Variants in NLRP2 observed in about 807,000 individuals in gnomAD.
NLRP2 encodes NACHT, LRR and PYD domains-containing protein 2.
Under a neutral mutation model 97.2 loss-of-function variants are expected in NLRP2, and 107 were observed. The ratio of observed to expected loss-of-function variants is 1.10; its 90% confidence interval spans 0.94 to 1.29. The LOEUF is 1.29. Among genes scored for constraint, NLRP2 ranks in the 50% most tolerant of loss-of-function variants. The probability of loss-of-function intolerance (pLI) is 0.00; values close to 1 mark genes in which losing one functional copy is unlikely to be tolerated. For missense variants in NLRP2, 1,495 were observed against 1,330.3 expected, an observed-to-expected ratio of 1.12 and a Z score of -1.93; for synonymous variants, 663 against 551.5, an observed-to-expected ratio of 1.20 and a Z score of -2.83.
chr19:54,990,239 C>A, intron 9 of NLRP2, 47 bp downstream of exon 9: 2 of 1,584,660 alleles, frequency 1.3e-6, no homozygotes, highest in Non-Finnish European at 1.7e-6. Context: ...CGATCTGGGG[C>A]CACAGACGAG....
intron 11 of NLRP2, among the ~76,000 whole-genome samples, chr19:54,996,538 C>G (rs1410177093): frequency 6.6e-6 from 1 of 152,142 alleles, no homozygotes; most frequent in Admixed American, 6.5e-5. Context: ...TTTAACCTCT[C>G]TGCTCAAAAG....
At chr19:54,998,961 A>T (rs2073021379) in intron 12 of NLRP2, among the ~76,000 whole-genome samples, 1 of 151,690 alleles carries the variant, frequency 6.6e-6, no homozygotes, top group Non-Finnish European at 1.5e-5. Context: ...AAGGTCACAG[A>T]TCAACAGGAT....
At chr19:54,985,347 C>T in intron 7 of NLRP2, 130 bp downstream of exon 7, 1 of 861,168 alleles carries the variant, frequency 1.2e-6, no homozygotes, top group East Asian at 2.6e-5. Flanking sequence ...TGAGAGAGTC[C>T]TGTCCTTAAA....
chr19:54,987,063 T>C (rs1020426331), intron 8 of NLRP2, among the ~76,000 whole-genome samples: 1 of 150,036 alleles, frequency 6.7e-6, no homozygotes, highest in African/African-American at 2.5e-5. Flanking sequence ...TTTTGTATTA[T>C]TAGTAGAGAT....
rs761350102 is a variant in NLRP2 at position 54,986,130 on chromosome 19, C to T, written c.2202-21C>T. On this transcript the variant is annotated intron_variant, in intron 7 of 12. Coordinates refer to ENST00000448584, the MANE Select transcript of NLRP2 (RefSeq NM_017852.5). ...ACAGGTGTACACACTAAAGATTTCA[C>T]TTTCGTTCTCTTTTCCCTAGGTTCA... 8.2e-6 allele frequency: 13 copies of T among 1,586,738 alleles called. No homozygotes were observed. The East Asian group carries it at 2.9e-4, about 35-fold the overall frequency.
intron 11 of NLRP2, among the ~76,000 whole-genome samples, chr19:54,996,037 CAAAAAA>C (rs544759995): frequency 9.5e-5 from 7 of 73,338 alleles, no homozygotes; most frequent in Non-Finnish European, 1.5e-4. Flanking sequence ...GATCCTGTCT[CAAAAAA>C]AAAAAAAAAA....
chr19:54,987,766 G>A (rs1400530813), intron 8 of NLRP2, among the ~76,000 whole-genome samples: 2 of 150,868 alleles, frequency 1.3e-5, no homozygotes, highest in Non-Finnish European at 2.9e-5. Flanking sequence ...ATCTTGGCTG[G>A]GTGCGGTAGC....
chr19:54,994,087 G>A (rs780899643), intron 10 of NLRP2, 182 bp from the exon 11 acceptor site: 3 of 699,104 alleles, frequency 4.3e-6, no homozygotes, highest in Non-Finnish European at 7.7e-6. Flanking sequence ...GGTGCCAGGA[G>A]TTGGGACTTG....
chr19:54,978,061 T>G (rs562712250), intron 4 of NLRP2, among the ~76,000 whole-genome samples: 2 of 151,850 alleles, frequency 1.3e-5, no homozygotes, highest in South Asian at 4.2e-4. Context: ...GCAGAGAGTT[T>G]TTGTTTTTGT....
chr19:54,975,106 G>GTTTTGTTTTTTT (rs2071120773), intron 3 of NLRP2, among the ~76,000 whole-genome samples: 7 of 58,708 alleles, frequency 1.2e-4, no homozygotes, highest in Non-Finnish European at 1.4e-4. Flanking sequence ...ACCCGGTTTT[G>GTTTTGTTTTTTT]TTTTTTTTTT....
intron 7 of NLRP2, 82 bp downstream of exon 7, chr19:54,985,299 C>G: frequency 3.8e-6 from 5 of 1,321,452 alleles, no homozygotes; most frequent in Non-Finnish European, 5.4e-6. Context: ...TATTCAGATT[C>G]CTGTACTAGA....
chr19:54,976,117 C>T (rs147337958), intron 3 of NLRP2, among the ~76,000 whole-genome samples: 1 of 152,004 alleles, frequency 6.6e-6, no homozygotes, highest in African/African-American at 2.4e-5. Context: ...GGCATGATCT[C>T]AGCTCACTGC....
chr19:54,989,335 G>A (rs535465593), intron 8 of NLRP2, among the ~76,000 whole-genome samples: 2 of 152,148 alleles, frequency 1.3e-5, no homozygotes, highest in Admixed American at 6.5e-5. Flanking sequence ...AGCCAGGCAA[G>A]ATGGCATTTG....
Position 54,966,438 on chromosome 19 carries a change from C to T in NLRP2, c.-47C>T, listed in dbSNP as rs555338568. The stretch of plus-strand genomic sequence containing the variant: ...CTTTCTCAACCTGCAGCCCTCATCT[C>T]CGCCGGCGAGTAGGGCCAGGTGTTG... On this transcript the variant is annotated 5_prime_UTR_variant, in exon 1 of 13. Transcript: ENST00000448584. 2 of 152,320 alleles carry T rather than the reference C, an allele frequency of 1.3e-5. No individual in the cohort carries two copies. Among genetic ancestry groups the T allele is most frequent in the South Asian group, 2.1e-4 (1 of 4,828 alleles). The allele number at this position is 152,320 out of a possible 1,614,324, so 9.4% of individuals were successfully genotyped here.
chr19:54,985,815 G>A (rs1428365909), intron 7 of NLRP2, among the ~76,000 whole-genome samples: 1 of 152,114 alleles, frequency 6.6e-6, no homozygotes, highest in Non-Finnish European at 1.5e-5. Context: ...GGCCAAGATG[G>A]TGCAAGACCC....
Position 54,990,109 on chromosome 19 carries a change from C to G in NLRP2, c.2454C>G (p.Leu818=), listed in dbSNP as rs773016099. ...EVNQSLTCVN[L]SDNELLDEGA... ...ACCAGTCCCTGACGTGCGTAAACCTCTCCGACAATGAGCTTCTGGATGAGG... is the reference window on the plus strand; with the variant it reads ...ACCAGTCCCTGACGTGCGTAAACCTGTCCGACAATGAGCTTCTGGATGAGG... The change falls in exon 9 of 13, where the codon CTC becomes CTG. Residue 818 remains leucine (L), a synonymous_variant. Transcript: ENST00000448584. 1.2e-6 allele frequency: 2 copies of G among 1,614,086 alleles called. No homozygotes were observed. Among genetic ancestry groups the G allele is most frequent in the Admixed American group, 1.7e-5 (1 of 59,998 alleles).
At chr19:54,998,538 A>AGTTTGTTTGTTT (rs150262560) in intron 12 of NLRP2, among the ~76,000 whole-genome samples, 12 of 144,786 alleles carry the variant, frequency 8.3e-5, no homozygotes, top group African/African-American at 3.1e-4. Context: ...TTAAGCTTTA[A>AGTTTGTTTGTTT]GTTTGTTTGT....
chr19:54,980,620 A>G (rs1410818428), intron 4 of NLRP2, among the ~76,000 whole-genome samples: 2 of 152,238 alleles, frequency 1.3e-5, no homozygotes, highest in African/African-American at 4.8e-5. Flanking sequence ...CTGCCAGGAG[A>G]CCAAAGCTTC....
chr19:54,974,600 C>G (rs2071080215), intron 3 of NLRP2, 56 bp downstream of exon 3: 5 of 1,248,412 alleles, frequency 4.0e-6, no homozygotes, highest in Non-Finnish European at 4.7e-6. Context: ...GGACTCGGGC[C>G]TTTGTTTTAA....
Sources: allele counts gnomAD v4.1 joint callset (sites outside exome capture counted in the v4.1 genomes callset), GRCh38; gene constraint gnomAD v4.1.1; transcripts MANE v1.5; gene names NCBI Gene and HGNC (gene_info 2026-07-23, HGNC 2026-07-21).